The following PRTN3 variants were observed in gnomAD, a reference collection of about 807,000 sequenced individuals.
PRTN3 encodes the protein proteinase 3, also known as myeloblastin.
Under a neutral mutation model 20.7 loss-of-function variants are expected in PRTN3, and 22 were observed. The observed-to-expected ratio is 1.06, with a 90% CI of 0.76 to 1.52. PRTN3 has a LOEUF of 1.52. PRTN3 is among the 40% of genes most tolerant of loss of function. The pLI, the probability that PRTN3 is intolerant of heterozygous loss-of-function variation, is 0.00. For synonymous variants in PRTN3, 173 were observed against 152.9 expected (o/e 1.13, Z -0.97); for missense variants, 378 against 359.6 (o/e 1.05, Z -0.41).
At chr19:842,412 G>GTTTTTT (rs2035457143) in intron 1 of PRTN3, among the ~76,000 whole-genome samples, 16 of 77,388 alleles carry the variant, frequency 2.1e-4, no homozygotes, top group East Asian at 1.0e-3. Context: ...CTGCGCCCAG[G>GTTTTTT]ATTTTTTTTT....
At chr19:843,688 G>A in intron 2 of PRTN3, 62 bp downstream of exon 2, 14 of 1,517,504 alleles carry the variant, frequency 9.2e-6, no homozygotes, top group East Asian at 2.4e-5. Flanking sequence ...GCCCTGGCCC[G>A]GCCACTGTCC....
At chr19:844,946 ATT>A (rs1203344875) in intron 3 of PRTN3, among the ~76,000 whole-genome samples, 78 of 123,110 alleles carry the variant, frequency 6.3e-4, no homozygotes, top group African/African-American at 2.2e-3. Flanking sequence ...TATAAAAGAC[ATT>A]TTTTTTTTTT....
intron 4 of PRTN3, among the ~76,000 whole-genome samples, chr19:846,654 G>A (rs1334303006): frequency 1.3e-5 from 2 of 152,218 alleles, no homozygotes; most frequent in African/African-American, 4.8e-5. Context: ...CTCACCGGCG[G>A]CCCCTTCCAG....
rs537338688 is a variant in PRTN3, at chr19:842,523, G to A, written c.62-938G>A. Among the ~76,000 whole-genome samples, 5 of 137,156 alleles carry A rather than the reference G, an allele frequency of 3.6e-5. No individual in the cohort carries two copies. In the East Asian group the frequency reaches 1.1e-3, roughly 30 times the overall value. 90.0% of individuals were successfully genotyped at this position (137,156 alleles called of 152,430 possible). On this transcript the variant is annotated intron_variant, in intron 1 of 4. Transcript: ENST00000234347. ...CAACCTGTGCCTCCTGGGTTCAAGCGATTCTCCTGCCTCAGCCTCCCAGGC... is the reference window on the plus strand; with the variant it reads ...CAACCTGTGCCTCCTGGGTTCAAGCAATTCTCCTGCCTCAGCCTCCCAGGC...
At chr19:847,446 A>AAAAAC (rs773156569) in intron 4 of PRTN3, among the ~76,000 whole-genome samples, 85 of 152,014 alleles carry the variant, frequency 5.6e-4, no homozygotes, top group East Asian at 1.5e-3. Flanking sequence ...CAAACAAAAC[A>AAAAAC]AAAACAAAAC....
intron 4 of PRTN3, 140 bp downstream of exon 4, chr19:846,517 C>A: frequency 1.1e-6 from 1 of 896,308 alleles, no homozygotes; most frequent in South Asian, 1.7e-5. Context: ...GCACACCCAA[C>A]ACCCAACGGG....
In PRTN3 at chr19:841,006, A is replaced by G. The variant is rs1249901829; in HGVS notation, c.-3A>G. The G allele has an allele frequency of 6.2e-7, 1 of 1,609,192 alleles. No individual in the cohort carries two copies. Among genetic ancestry groups the G allele is most frequent in the Admixed American group, 1.7e-5 (1 of 59,858 alleles). On this transcript the variant is annotated 5_prime_UTR_variant, in exon 1 of 5. Coordinates refer to ENST00000234347, the MANE Select transcript of PRTN3 (RefSeq NM_002777.4). Reference sequence around the variant, plus strand: ...TGACCGTGGGTGCACCCTGGACCCCACCATGGCTCACCGGCCCCCCAGCCC... The same window carrying G: ...TGACCGTGGGTGCACCCTGGACCCCGCCATGGCTCACCGGCCCCCCAGCCC...
At chr19:846,094 C>T (rs542172837) in intron 3 of PRTN3, 53 bp from the exon 4 acceptor site, 21 of 1,338,280 alleles carry the variant, frequency 1.6e-5, no homozygotes, top group Admixed American at 6.4e-5. Flanking sequence ...GCGGCCCGGG[C>T]GGCCACCGTG....
At chr19:841,428 G>A (rs565108946) in intron 1 of PRTN3, among the ~76,000 whole-genome samples, 1 of 148,888 alleles carries the variant, frequency 6.7e-6, no homozygotes, top group East Asian at 1.9e-4. Flanking sequence ...GAATGAATGA[G>A]TGAGTGAGTG....
At chr19:841,168 T>G in intron 1 of PRTN3, 99 bp downstream of exon 1, 1 of 1,451,094 alleles carries the variant, frequency 6.9e-7, no homozygotes, top group Non-Finnish European at 9.3e-7. Flanking sequence ...CTGGCACAGC[T>G]GGGGAAACTG....
rs1180108737 is a variant in PRTN3, at chr19:842,022, TG to T, written c.61+955del. Among the ~76,000 whole-genome samples, 3 of 117,094 alleles carry T rather than the reference TG, an allele frequency of 2.6e-5. No homozygotes were observed. The Admixed American group carries it at 3.0e-4, about 12-fold the overall frequency. 76.8% of individuals were successfully genotyped at this position (117,094 alleles called of 152,430 possible). ...GATTACAGGCGTGAGCCACCGCGCCTGGCCCTTTTTTTTTCTTTTTTGAAAC... is the reference window on the plus strand; with the variant it reads ...GATTACAGGCGTGAGCCACCGCGCCTGCCCTTTTTTTTTCTTTTTTGAAAC... On this transcript the variant is annotated intron_variant, in intron 1 of 4. Transcript: ENST00000234347.
intron 4 of PRTN3, 116 bp downstream of exon 4, chr19:846,493 C>T (rs2035518758): frequency 1.8e-6 from 2 of 1,116,286 alleles, no homozygotes; most frequent in Non-Finnish European, 2.5e-6. Context: ...TCAGTCTCCC[C>T]ACCTGGAAGG....
intron 3 of PRTN3, among the ~76,000 whole-genome samples, chr19:845,500 A>G (rs967571915): frequency 2.6e-5 from 4 of 151,956 alleles, no homozygotes; most frequent in African/African-American, 9.7e-5. Flanking sequence ...GGATCGCCTG[A>G]GGTCAGGAGT....
chr19:844,094 A>G, intron 3 of PRTN3, 60 bp downstream of exon 3: 1 of 1,526,970 alleles, frequency 6.5e-7, no homozygotes, highest in Non-Finnish European at 8.8e-7. Context: ...CGGGACCCCC[A>G]TTCCTGCAGC....
rs776523819 is a variant in PRTN3 at position 841,054 on chromosome 19, G to A, written c.46G>A (p.Ala16Thr). 1.2e-6 allele frequency: 2 copies of A among 1,607,010 alleles called. No homozygotes were observed. Among genetic ancestry groups the A allele is most frequent in the East Asian group, 2.2e-5 (1 of 44,882 alleles). Residue 16 changes from alanine to threonine, a missense_variant, in exon 1 of 5, where the codon GCC (alanine) becomes ACC (threonine). Coordinates refer to ENST00000234347, the MANE Select transcript of PRTN3 (RefSeq NM_002777.4). ...PSPALASVLL[A>T]LLLSGAARAA... ...CCCTGCCCTGGCGTCCGTGCTGCTG[G>A]CCTTGCTGCTGAGCGGTGAGTGAGC...
chr19:847,685 T>C (rs904093546), intron 4 of PRTN3, 114 bp from the exon 5 acceptor site: 1 of 1,315,324 alleles, frequency 7.6e-7, no homozygotes, highest in Non-Finnish European at 1.0e-6. Flanking sequence ...GGTGACTGGC[T>C]GTCCCCATCC....
intron 1 of PRTN3, chr19:843,194 G>A (rs1386462430): frequency 2.0e-6 from 1 of 495,592 alleles, no homozygotes; most frequent in African/African-American, 2.0e-5. Context: ...GGGATTACAG[G>A]CGTGAGCCAC....
chr19:846,091 G>A (rs961919205), intron 3 of PRTN3, 56 bp from the exon 4 acceptor site: 68 of 1,326,292 alleles, frequency 5.1e-5, no homozygotes, highest in East Asian at 2.0e-4. Flanking sequence ...AGGGCGGCCC[G>A]GGCGGCCACC....
chr19:843,822 C>T (rs116985340), intron 2 of PRTN3, 71 bp from the exon 3 acceptor site: 242,315 of 1,506,370 alleles, frequency 0.16, 20,997 homozygotes, highest in Admixed American at 0.26. Flanking sequence ...GCACCGCGGC[C>T]TCGGGAAGGG....
Sources: gnomAD v4.1 joint callset for allele counts (sites outside exome capture counted in the v4.1 genomes callset) on GRCh38, gnomAD v4.1.1 for gene constraint, MANE v1.5 for transcripts, NCBI Gene and HGNC (gene_info 2026-07-23, HGNC 2026-07-21) for gene names.